The following ZNF215 variants were observed in gnomAD, a reference collection of about 807,000 sequenced individuals.
ZNF215 encodes the protein BWSCR2-associated zinc finger protein 2.
A neutral mutation model predicts 27.2 loss-of-function variants in ZNF215; 24 were observed. The ratio of observed to expected loss-of-function variants is 0.88; its 90% CI spans 0.64 to 1.24. The LOEUF (loss-of-function observed/expected upper bound fraction) is 1.24, where lower values mean the gene tolerates loss of function less well. Among genes scored for constraint, ZNF215 ranks in the 50% most tolerant of loss-of-function variants. The probability of loss-of-function intolerance (pLI) is 0.00; values close to 1 mark genes in which losing one functional copy is unlikely to be tolerated. For missense variants in ZNF215, 675 were observed against 605.7 expected (o/e 1.11, Z -1.20); for synonymous variants, 210 against 204.0 (o/e 1.03, Z -0.25).
intron 6 of ZNF215, among the ~76,000 whole-genome samples, chr11:6,994,076 A>G (rs1380275890): frequency 6.6e-6 from 1 of 152,128 alleles, no homozygotes; most frequent in Non-Finnish European, 1.5e-5. Context: ...GAGGGCTGTG[A>G]TGTACCTTAG....
chr11:6,944,679 C>G (rs1326348038), intron 6 of ZNF215, among the ~76,000 whole-genome samples: 1 of 151,856 alleles, frequency 6.6e-6, no homozygotes, highest in Non-Finnish European at 1.5e-5. Flanking sequence ...ACTTCAGTAT[C>G]CAGAGCTATG....
At chr11:6,992,009 C>T (rs1289811735), downstream of ZNF215, among the ~76,000 whole-genome samples, 1 of 152,104 alleles carries the variant, frequency 6.6e-6, no homozygotes, top group East Asian at 1.9e-4. Flanking sequence ...TAGAATATGG[C>T]AGAAGTGATA....
intron 2 of ZNF215, among the ~76,000 whole-genome samples, chr11:6,931,831 A>G (rs1849274819): frequency 1.3e-5 from 2 of 152,232 alleles, no homozygotes; most frequent in African/African-American, 4.8e-5. Context: ...GAATAAATCT[A>G]ATTGTAATTC....
Position 6,932,520 on chromosome 11 carries a change from C to A in ZNF215, c.248C>A (p.Thr83Lys), listed in dbSNP as rs1849300687. ...CLQWLRPEIH[T>K]KKQIIELLVL... ...CAATGGCTGAGACCAGAGATTCATA[C>A]AAAGAAGCAGATTATAGAACTGTTG... Residue 83 changes from threonine to lysine, a missense_variant, in exon 3 of 7, where the codon ACA becomes AAA. By Grantham distance (78) the Thr-to-Lys change is moderately conservative. Coordinates refer to ENST00000278319, the MANE Select transcript of ZNF215 (RefSeq NM_013250.4). 6.2e-7 allele frequency: 1 copy of A among 1,613,992 alleles called. No individual in the cohort carries two copies. Among genetic ancestry groups the A allele is most frequent in the Non-Finnish European group, 8.5e-7 (1 of 1,180,034 alleles).
At chr11:6,929,654 C>G (rs1290508034) in intron 2 of ZNF215, among the ~76,000 whole-genome samples, 1 of 152,142 alleles carries the variant, frequency 6.6e-6, no homozygotes, top group Non-Finnish European at 1.5e-5. Flanking sequence ...GGCAAAATGC[C>G]ATTTTATCAC....
At chr11:6,937,812 TA>T (rs890135649) in intron 3 of ZNF215, among the ~76,000 whole-genome samples, 1 of 151,740 alleles carries the variant, frequency 6.6e-6, no homozygotes, top group African/African-American at 2.4e-5. Context: ...AAGATTGGAG[TA>T]GGGGCCTTAC....
chr11:6,956,609 C>T lies in ZNF215; in HGVS notation c.*78C>T. 1.4e-6 allele frequency: 2 copies of T among 1,463,500 alleles called. No homozygotes were observed. 90.7% of individuals were successfully genotyped at this position (1,463,500 alleles called of 1,614,324 possible). Reference sequence around the variant, plus strand: ...ATCATGAATTTATGCTGGATAAAATCTCATGAATATAATGTAAGAAAACAT... The same window carrying T: ...ATCATGAATTTATGCTGGATAAAATTTCATGAATATAATGTAAGAAAACAT... On this transcript the variant is annotated 3_prime_UTR_variant, in exon 7 of 7. Coordinates refer to ENST00000278319, the MANE Select transcript of ZNF215 (RefSeq NM_013250.4).
At chr11:6,928,516 T>G (rs1217500993) in intron 2 of ZNF215, among the ~76,000 whole-genome samples, 4 of 152,210 alleles carry the variant, frequency 2.6e-5, no homozygotes, top group Admixed American at 2.6e-4. Context: ...CACTAAACTC[T>G]TGAATATTTT....
chr11:6,989,475 A>G (rs1474418340), downstream of ZNF215, among the ~76,000 whole-genome samples: 1 of 152,202 alleles, frequency 6.6e-6, no homozygotes, highest in Admixed American at 6.5e-5. Flanking sequence ...TCAAATGACT[A>G]GATAGCCACA....
At chr11:6,951,465 G>A (rs1436305108) in intron 6 of ZNF215, among the ~76,000 whole-genome samples, 6 of 152,200 alleles carry the variant, frequency 3.9e-5, no homozygotes, top group South Asian at 2.1e-4. Flanking sequence ...GTCTTGGGAG[G>A]GTGTATGTGT....
At chr11:6,945,948 A>G (rs1041141914) in intron 6 of ZNF215, among the ~76,000 whole-genome samples, 5 of 152,206 alleles carry the variant, frequency 3.3e-5, no homozygotes, top group African/African-American at 1.2e-4. Context: ...CTTAAATTCC[A>G]TGAAACTGAA....
At chr11:6,979,630 G>A (rs1467771752) in intron 5 of ZNF215, among the ~76,000 whole-genome samples, 1 of 151,980 alleles carries the variant, frequency 6.6e-6, no homozygotes, top group Non-Finnish European at 1.5e-5. Flanking sequence ...AGGTTAAGTA[G>A]CATGTTTAAA....
In ZNF215 at chr11:6,982,605, A is replaced by G. The variant is rs549180965; in HGVS notation, c.806-1524A>G. Among the ~76,000 whole-genome samples, 311 of 152,264 alleles carry G rather than the reference A, an allele frequency of 2.0e-3. 3 individuals are homozygous for G. Among genetic ancestry groups the G allele is most frequent in the Admixed American group, 5.6e-3 (85 of 15,286 alleles). ...ACTAGAACTCAGGATTAAGAAACTC[A>G]CTCAAAACCACTCAACTACATGGAA... On this transcript the variant is annotated intron_variant, in intron 5 of 5. Transcript: ENST00000529903.
intron 5 of ZNF215, among the ~76,000 whole-genome samples, chr11:6,981,163 T>A (rs1293915288): frequency 8.0e-5 from 12 of 150,804 alleles, no homozygotes; most frequent in African/African-American, 2.2e-4. Context: ...TTTCTAGTTC[T>A]AGATCCCTGA....
intron 5 of ZNF215, among the ~76,000 whole-genome samples, chr11:6,980,417 C>T (rs1850923676): frequency 1.3e-5 from 2 of 151,842 alleles, no homozygotes; most frequent in Non-Finnish European, 2.9e-5. Context: ...CAGTTGCAAT[C>T]GTTTAAAATA....
In ZNF215 at chr11:6,951,650, A is replaced by G. The variant is rs1486591676; in HGVS notation, c.713-4040A>G. On this transcript the variant is annotated intron_variant, in intron 6 of 6. Coordinates refer to ENST00000278319, the MANE Select transcript of ZNF215 (RefSeq NM_013250.4). ...TTCTTCTGTATTAGTCTTGCTAGTG[A>G]TCTATCAATTTTGTTGATCCTTTCA... Among the ~76,000 whole-genome samples, 13 of 152,070 alleles carry G rather than the reference A, an allele frequency of 8.5e-5. No homozygotes were observed. The East Asian group carries it at 2.1e-3, about 25-fold the overall frequency.
At chr11:6,945,633 C>G (rs965373115) in intron 6 of ZNF215, among the ~76,000 whole-genome samples, 6 of 152,144 alleles carry the variant, frequency 3.9e-5, no homozygotes, top group African/African-American at 1.4e-4. Context: ...GTTAACTATG[C>G]CTTTTTCTTA....
intron 3 of ZNF215, among the ~76,000 whole-genome samples, chr11:6,934,146 T>C (rs1358020369): frequency 6.6e-6 from 1 of 152,124 alleles, no homozygotes; most frequent in East Asian, 1.9e-4. Flanking sequence ...GAAGAGAAGC[T>C]TGATAAGCAG....
rs559564559 is a variant in ZNF215, at chr11:6,980,607, T to A, written c.806-3522T>A. On this transcript the variant is annotated intron_variant, in intron 5 of 5. Transcript: ENST00000529903. ...AAATTAAACTGATCTTAGTTTACTT[T>A]TTATTATTATTATTATTATACTTTA... is the stretch of plus-strand genomic sequence containing the variant. Among the ~76,000 whole-genome samples the A allele has an allele frequency of 1.3e-4, 19 of 150,954 alleles. No homozygotes were observed. In the East Asian group the frequency reaches 2.9e-3, roughly 23 times the overall value.
Sources: allele counts gnomAD v4.1 joint callset (sites outside exome capture counted in the v4.1 genomes callset), GRCh38; gene constraint gnomAD v4.1.1; transcripts MANE v1.5; gene names NCBI Gene and HGNC (gene_info 2026-07-23, HGNC 2026-07-21).